The following MGAT4D variants were observed in gnomAD, a reference collection of about 807,000 sequenced individuals.
MGAT4D encodes the protein alpha-1,3-mannosyl-glycoprotein 4-beta-N-acetylglucosaminyltransferase-like protein MGAT4D.
MGAT4D carries 34 observed loss-of-function variants against 15.9 expected under a neutral mutation model. The observed-to-expected ratio is 2.14, with a 90% CI of 1.62 to 2.84. The LOEUF (loss-of-function observed/expected upper bound fraction) is 2.84, where lower values mean the gene tolerates loss of function less well. Among genes scored for constraint, MGAT4D ranks in the 30% most tolerant of loss-of-function variants. MGAT4D has a pLI of 0.00. For synonymous variants in MGAT4D, 112 were observed against 48.2 expected (o/e 2.33, Z -5.49); for missense variants, 327 against 140.2 (o/e 2.33, Z -6.73).
intron 5 of MGAT4D, among the ~76,000 whole-genome samples, chr4:140,471,283 C>CT (rs35272071): frequency 7.7e-6 from 1 of 130,578 alleles, no homozygotes; most frequent in South Asian, 2.5e-4. Context: ...TCCTTCCTTC[C>CT]TTCTCTCTCT....
chr4:140,452,052 A>T (rs1485430637), intron 9 of MGAT4D, among the ~76,000 whole-genome samples: 1 of 151,644 alleles, frequency 6.6e-6, no homozygotes, highest in Non-Finnish European at 1.5e-5. Context: ...AAAAACAAAC[A>T]TTTGAAGGCC....
chr4:140,467,249 A>AG (rs1731598524), intron 5 of MGAT4D, among the ~76,000 whole-genome samples: 1 of 152,094 alleles, frequency 6.6e-6, no homozygotes, highest in Non-Finnish European at 1.5e-5. Flanking sequence ...ATACTGGCGT[A>AG]GAAAAAAAAA....
intron 5 of MGAT4D, among the ~76,000 whole-genome samples, chr4:140,470,887 A>AT (rs776418118): frequency 0.012 from 1,740 of 142,910 alleles, 19 homozygotes; most frequent in African/African-American, 0.024. Context: ...TTATTTTATA[A>AT]TTTTTTTTTT....
intron 2 of MGAT4D, 129 bp from the exon 3 acceptor site, chr4:140,479,756 C>A: frequency 3.3e-6 from 1 of 305,236 alleles, no homozygotes; most frequent in Admixed American, 5.0e-5. Flanking sequence ...AAGAAATACT[C>A]TAAAATGTAA....
chr4:140,493,287 CTTT>C (rs551838799), intron 1 of MGAT4D, among the ~76,000 whole-genome samples: 1 of 112,522 alleles, frequency 8.9e-6, no homozygotes, highest in Non-Finnish European at 1.9e-5. Flanking sequence ...TGTTCCTTTA[CTTT>C]TTTTTTTTTT....
At chr4:140,453,148 T>A (rs538487551) in intron 9 of MGAT4D, among the ~76,000 whole-genome samples, 5 of 152,342 alleles carry the variant, frequency 3.3e-5, no homozygotes, top group African/African-American at 1.2e-4. Context: ...TCTTGATTAC[T>A]GTAGCTTTGT....
At chr4:140,450,070 G>T in intron 10 of MGAT4D, 1 of 342,516 alleles carries the variant, frequency 2.9e-6, no homozygotes, top group Non-Finnish European at 5.3e-6. Flanking sequence ...TCCAAAGAAT[G>T]ATTTTGATAC....
chr4:140,498,089 C>A (rs745799999), intron 1 of MGAT4D, 40 bp downstream of exon 1: 8 of 694,298 alleles, frequency 1.2e-5, no homozygotes, highest in Admixed American at 1.0e-4. Context: ...CCGAAGCCCC[C>A]GCGGCGGGAA....
chr4:140,497,732 A>G (rs951296145), intron 1 of MGAT4D, among the ~76,000 whole-genome samples: 1 of 152,214 alleles, frequency 6.6e-6, no homozygotes, highest in Non-Finnish European at 1.5e-5. Context: ...AAAGATGCGG[A>G]CAGATGCTGG....
intron 1 of MGAT4D, among the ~76,000 whole-genome samples, chr4:140,486,597 C>A (rs1733151987): frequency 6.6e-6 from 1 of 152,170 alleles, no homozygotes; most frequent in South Asian, 2.1e-4. Flanking sequence ...TATGTATTGA[C>A]TGCTTTCATG....
intron 1 of MGAT4D, among the ~76,000 whole-genome samples, chr4:140,486,788 C>T (rs1733165068): frequency 6.6e-6 from 1 of 152,162 alleles, no homozygotes; most frequent in Non-Finnish European, 1.5e-5. Flanking sequence ...CTGAATCATG[C>T]TTTAATCAAA....
At chr4:140,476,900 T>A (rs895384623) in intron 3 of MGAT4D, among the ~76,000 whole-genome samples, 2 of 152,210 alleles carry the variant, frequency 1.3e-5, no homozygotes, top group African/African-American at 4.8e-5. Flanking sequence ...CTATCTAGAA[T>A]GTCAGCTTGA....
intron 2 of MGAT4D, among the ~76,000 whole-genome samples, chr4:140,481,111 C>T (rs890365582): frequency 2.1e-5 from 3 of 140,138 alleles, no homozygotes; most frequent in African/African-American, 5.5e-5. Flanking sequence ...AGTCCAAGAT[C>T]AGCCTGGGCA....
chr4:140,449,759 CA>C (rs5862474), intron 10 of MGAT4D, among the ~76,000 whole-genome samples: 132,175 of 149,434 alleles, frequency 0.88, 59,096 homozygotes, highest in East Asian at 0.99. Flanking sequence ...GACTCCTTCT[CA>C]AAAAAAAAAA....
chr4:140,473,212 G>A (rs1416182540), intron 4 of MGAT4D, among the ~76,000 whole-genome samples: 1 of 151,246 alleles, frequency 6.6e-6, no homozygotes, highest in Non-Finnish European at 1.5e-5. Context: ...TAAACATGAT[G>A]CTTTACAGCT....
At chr4:140,480,726 TAAACACACACAC>T (rs1732650390) in intron 2 of MGAT4D, among the ~76,000 whole-genome samples, 1 of 124,718 alleles carries the variant, frequency 8.0e-6, no homozygotes, top group South Asian at 2.6e-4. Flanking sequence ...CCCTCATCTC[TAAACACACACAC>T]ACACACACAC....
rs1276005482 is a variant in MGAT4D, at chr4:140,443,163, T to A, written c.*273A>T. ...TTGAGATTATGTGATGGTCTCACTA[T>A]CGAAGTCAATAAAGTGCAGTTCTTA... On this transcript the variant is annotated 3_prime_UTR_variant, in exon 11 of 11. Coordinates refer to ENST00000511113, the MANE Select transcript of MGAT4D (RefSeq NM_001277353.2). 2 of 188,464 alleles carry A rather than the reference T, an allele frequency of 1.1e-5. No individual in the cohort carries two copies. Among genetic ancestry groups the A allele is most frequent in the African/African-American group, 2.3e-5 (1 of 43,142 alleles). 11.7% of individuals were successfully genotyped at this position (188,464 alleles called of 1,614,324 possible).
chr4:140,443,902 G>T (rs1350927284), intron 10 of MGAT4D, among the ~76,000 whole-genome samples: 1 of 151,882 alleles, frequency 6.6e-6, no homozygotes, highest in Non-Finnish European at 1.5e-5. Flanking sequence ...GAGGACTGAA[G>T]AAATTCTGCT....
chr4:140,493,693 G>A (rs1398242194), intron 1 of MGAT4D, among the ~76,000 whole-genome samples: 2 of 152,086 alleles, frequency 1.3e-5, no homozygotes, highest in Admixed American at 1.3e-4. Context: ...TCTAAAAATT[G>A]TGTCTGTTGA....
Sources: allele counts gnomAD v4.1 joint callset (sites outside exome capture counted in the v4.1 genomes callset), GRCh38; gene constraint gnomAD v4.1.1; transcripts MANE v1.5; gene names NCBI Gene and HGNC (gene_info 2026-07-23, HGNC 2026-07-21).